CARMIL1: variants seen among roughly 807,000 people sequenced by gnomAD.
The protein encoded by CARMIL1 is F-actin-uncapping protein LRRC16A.
A neutral mutation model predicts 177.1 loss-of-function variants in CARMIL1; 90 were observed. That is an observed-to-expected ratio of 0.51 (90% CI 0.43 to 0.61). The LOEUF is 0.61. Ranked by LOEUF, CARMIL1 falls within the 20% of genes least tolerant of loss-of-function variation. The probability of loss-of-function intolerance (pLI) is 0.00; values close to 1 mark genes in which losing one functional copy is unlikely to be tolerated. For missense variants in CARMIL1, 1,380 were observed against 1,667.0 expected (o/e 0.83, Z 3.00); for synonymous variants, 577 against 606.2 (o/e 0.95, Z 0.71).
intron 2 of CARMIL1, among the ~76,000 whole-genome samples, chr6:25,366,776 T>A (rs1235181067): frequency 6.6e-6 from 1 of 152,132 alleles, no homozygotes; most frequent in African/African-American, 2.4e-5. Flanking sequence ...CCTGGTAAGA[T>A]GCTCATTTAA....
chr6:25,491,290 AGAG>A (rs1298827883), intron 13 of CARMIL1, among the ~76,000 whole-genome samples: 8 of 152,240 alleles, frequency 5.3e-5, no homozygotes, highest in African/African-American at 1.9e-4. Context: ...CGGACAGAAG[AGAG>A]GATAGCCTGA....
chr6:25,484,089 T>A (rs947393562), intron 12 of CARMIL1, among the ~76,000 whole-genome samples: 1 of 152,200 alleles, frequency 6.6e-6, no homozygotes, highest in Admixed American at 6.5e-5. Context: ...TGAAATGTTC[T>A]CAGACAACCC....
At chr6:25,583,358 T>G (rs1813309162) in intron 31 of CARMIL1, among the ~76,000 whole-genome samples, 1 of 151,998 alleles carries the variant, frequency 6.6e-6, no homozygotes, top group East Asian at 1.9e-4. Context: ...AGGCCCCACC[T>G]CCTCCAGTGC....
At chr6:25,310,385 C>G (rs547211748) in intron 2 of CARMIL1, among the ~76,000 whole-genome samples, 9 of 152,226 alleles carry the variant, frequency 5.9e-5, no homozygotes, top group Admixed American at 4.6e-4. Context: ...TTTCAAACTG[C>G]AGCTGATCAC....
intron 2 of CARMIL1, among the ~76,000 whole-genome samples, chr6:25,371,404 C>T (rs1450758560): frequency 6.6e-6 from 1 of 152,228 alleles, no homozygotes; most frequent in Non-Finnish European, 1.5e-5. Context: ...CTTTTTACCA[C>T]ATCCATGCCA....
At chr6:25,324,069 T>C (rs1407131492) in intron 2 of CARMIL1, among the ~76,000 whole-genome samples, 1 of 152,248 alleles carries the variant, frequency 6.6e-6, no homozygotes, top group Non-Finnish European at 1.5e-5. Context: ...TGGGAGCCCA[T>C]GGCTCAGATA....
intron 2 of CARMIL1, among the ~76,000 whole-genome samples, chr6:25,367,657 G>A (rs1297452431): frequency 6.6e-6 from 1 of 152,140 alleles, no homozygotes; most frequent in East Asian, 1.9e-4. Flanking sequence ...CAGTAAGGAA[G>A]TAATTCATAT....
At chr6:25,476,982 G>A (rs1031087326) in intron 11 of CARMIL1, among the ~76,000 whole-genome samples, 3 of 151,480 alleles carry the variant, frequency 2.0e-5, no homozygotes, top group Admixed American at 6.6e-5. Flanking sequence ...CCAGCTACTC[G>A]AGAGGCTGAG....
intron 16 of CARMIL1, 125 bp downstream of exon 16, chr6:25,495,340 C>T: frequency 1.8e-6 from 1 of 567,024 alleles, no homozygotes; most frequent in East Asian, 3.2e-5. Flanking sequence ...TGCCTTTTTA[C>T]TCTGGGGCAG....
chr6:25,289,900 T>C (rs1367324045), intron 2 of CARMIL1, among the ~76,000 whole-genome samples: 1 of 152,202 alleles, frequency 6.6e-6, no homozygotes, highest in African/African-American at 2.4e-5. Context: ...TGTACAGATT[T>C]TTGAGTGAAC....
intron 4 of CARMIL1, among the ~76,000 whole-genome samples, chr6:25,432,631 T>A (rs930451676): frequency 1.3e-5 from 2 of 152,218 alleles, no homozygotes; most frequent in Non-Finnish European, 2.9e-5. Flanking sequence ...TTTGTACAAC[T>A]GAATACCTGC....
chr6:25,607,137 C>T (rs2077393), intron 35 of CARMIL1, among the ~76,000 whole-genome samples: 43,556 of 150,938 alleles, frequency 0.29, 6,349 homozygotes, highest in Non-Finnish European at 0.3. Flanking sequence ...GACAAGACCC[C>T]GTCACCCTAT....
intron 1 of CARMIL1, among the ~76,000 whole-genome samples, chr6:25,282,003 T>C (rs1014532075): frequency 6.6e-6 from 1 of 150,692 alleles, no homozygotes; most frequent in Non-Finnish European, 1.5e-5. Context: ...TAATCCCAGC[T>C]ACTCGGGAGG....
At chr6:25,379,407 C>T (rs1269056160) in intron 2 of CARMIL1, among the ~76,000 whole-genome samples, 2 of 152,108 alleles carry the variant, frequency 1.3e-5, no homozygotes, top group Non-Finnish European at 2.9e-5. Flanking sequence ...TGGAGTAGTA[C>T]AGTTGCACTG....
chr6:25,406,704 A>G (rs9461165), intron 2 of CARMIL1, among the ~76,000 whole-genome samples: 65,104 of 151,740 alleles, frequency 0.43, 14,123 homozygotes, highest in Middle Eastern at 0.57. Context: ...TTTGGAAACC[A>G]TATGGATGAC....
At chr6:25,472,030 T>C (rs1049468525) in intron 10 of CARMIL1, among the ~76,000 whole-genome samples, 1 of 152,182 alleles carries the variant, frequency 6.6e-6, no homozygotes, top group South Asian at 2.1e-4. Context: ...TAATAATTAG[T>C]GTAATCAGTT....
chr6:25,517,855 G>A lies in CARMIL1; in HGVS notation c.1874+440G>A, dbSNP rs143052207. ...GAAATTGATAAATGGTAAGCCCAGGGCTAAGTTGTCTCATTACTATGAAAG... is the reference window on the plus strand; with the variant it reads ...GAAATTGATAAATGGTAAGCCCAGGACTAAGTTGTCTCATTACTATGAAAG... On this transcript the variant is annotated intron_variant, in intron 22 of 36. Coordinates refer to ENST00000329474, the MANE Select transcript of CARMIL1 (RefSeq NM_017640.6). Among the ~76,000 whole-genome samples, 47 of 152,276 alleles carry A rather than the reference G, an allele frequency of 3.1e-4. 1 individual carries two copies. The East Asian group carries it at 8.9e-3, about 29-fold the overall frequency.
chr6:25,426,470 C>G, intron 3 of CARMIL1, 31 bp from the exon 4 acceptor site: 2 of 1,522,708 alleles, frequency 1.3e-6, no homozygotes, highest in Non-Finnish European at 1.8e-6. Flanking sequence ...CATTGCAGGT[C>G]TTTTCTTTCC....
chr6:25,393,819 A>G (rs1398187860), intron 2 of CARMIL1, among the ~76,000 whole-genome samples: 1 of 151,588 alleles, frequency 6.6e-6, no homozygotes, highest in African/African-American at 2.4e-5. Flanking sequence ...ATTGCACCAC[A>G]CACTCTAGCC....
Sources: gnomAD v4.1 joint callset for allele counts (sites outside exome capture counted in the v4.1 genomes callset) on GRCh38, gnomAD v4.1.1 for gene constraint, MANE v1.5 for transcripts, NCBI Gene and HGNC (gene_info 2026-07-23, HGNC 2026-07-21) for gene names.